The following CASD1 variants were observed in gnomAD, a reference collection of about 807,000 sequenced individuals.
CASD1 encodes N-acetylneuraminate (7)9-O-acetyltransferase.
CASD1 carries 41 observed loss-of-function variants against 100.0 expected under a neutral mutation model. The ratio of observed to expected loss-of-function variants is 0.41; its 90% CI spans 0.32 to 0.53. CASD1 has a LOEUF of 0.53. Ranked by LOEUF, CASD1 falls within the 20% of genes least tolerant of loss-of-function variation. The pLI is 0.25. For missense variants in CASD1, 774 were observed against 948.7 expected, an observed-to-expected ratio of 0.82 and a Z score of 2.42; for synonymous variants, 321 against 315.6, an observed-to-expected ratio of 1.02 and a Z score of -0.18.
At chr7:94,585,474 C>T in the CASD1 span, 6 of 1,601,066 alleles carry the variant, frequency 3.7e-6, no homozygotes, top group African/African-American at 8.0e-5. Flanking sequence ...ATTATAAATT[C>T]ATTGCTTCAG....
chr7:94,631,034 C>G, the CASD1 span, among the ~76,000 whole-genome samples: 1 of 151,942 alleles, frequency 6.6e-6, no homozygotes, highest in South Asian at 2.1e-4. Context: ...CTTCACGTAT[C>G]TACAGATTTA....
Position 94,544,606 on chromosome 7 carries a change from TATAA to T in CASD1, c.1476+80_1476+83del, listed in dbSNP as rs1795586167. On this transcript the variant is annotated intron_variant, in intron 11 of 17. Coordinates refer to ENST00000297273, the MANE Select transcript of CASD1 (RefSeq NM_022900.5). The stretch of plus-strand genomic sequence containing the variant: ...AGAAAGCATTAACTTGAGAAAAAAA[TATAA>T]ATATAGTCATTATAAGACTGAATAA... 6 of 1,447,328 alleles carry T rather than the reference TATAA, an allele frequency of 4.1e-6. No individual in the cohort carries two copies. The East Asian group carries it at 1.4e-4, about 34-fold the overall frequency. 89.7% of individuals were successfully genotyped at this position (1,447,328 alleles called of 1,614,324 possible).
At chr7:94,521,534 G>T (rs767704468) in intron 3 of CASD1, among the ~76,000 whole-genome samples, 1 of 151,982 alleles carries the variant, frequency 6.6e-6, no homozygotes, top group Non-Finnish European at 1.5e-5. Context: ...AGTTAAAGAT[G>T]CACAGTGAAA....
chr7:94,626,811 G>A, the CASD1 span: 1 of 151,936 alleles, frequency 6.6e-6, no homozygotes, highest in Admixed American at 6.6e-5. Context: ...GAAGAATGAT[G>A]TTTGCTATTA....
At chr7:94,614,719 TGTG>T in the CASD1 span, among the ~76,000 whole-genome samples, 1 of 152,198 alleles carries the variant, frequency 6.6e-6, no homozygotes, top group East Asian at 1.9e-4. Flanking sequence ...ATGCCTCAAT[TGTG>T]GTACTTAAAA....
the CASD1 span, among the ~76,000 whole-genome samples, chr7:94,564,420 A>G: frequency 6.6e-6 from 1 of 152,208 alleles, no homozygotes; most frequent in South Asian, 2.1e-4. Flanking sequence ...CACCCCTGGG[A>G]TAAGAAATTG....
At chr7:94,575,322 A>G in the CASD1 span, among the ~76,000 whole-genome samples, 1 of 152,116 alleles carries the variant, frequency 6.6e-6, no homozygotes, top group Non-Finnish European at 1.5e-5. Flanking sequence ...GTCATTAAGG[A>G]GCATGTTGTT....
chr7:94,618,969 A>C, the CASD1 span: 1 of 1,569,182 alleles, frequency 6.4e-7, no homozygotes, highest in East Asian at 2.2e-5. Context: ...AATTTTGGTG[A>C]AAAAGGGCAT....
Position 94,537,820 on chromosome 7 carries a change from A to G in CASD1, c.1192A>G (p.Thr398Ala). The change falls in exon 9 of 18, where the codon ACA becomes GCA. Residue 398 changes from threonine (T) to alanine (A), a missense_variant. By Grantham distance (58) the Thr-to-Ala change is moderately conservative (BLOSUM62 0). This residue lies in a region of CASD1 where 453 missense variants were observed against 532.6 expected (regional missense o/e 0.85). Transcript: ENST00000297273. ...NLFMKENKFYTHSSFFIPIIY... is the reference protein window; with the variant it reads ...NLFMKENKFYAHSSFFIPIIY... ...GTTCATGAAGGAAAACAAATTTTAT[A>G]CACATTCATCTTTCTTTATTCCAAT... 1 of 1,595,108 alleles carries G rather than the reference A, an allele frequency of 6.3e-7. No homozygotes were observed. The highest frequency in any genetic ancestry group is 8.6e-7 in the Non-Finnish European group (1 of 1,162,960).
chr7:94,616,151 G>A, the CASD1 span, among the ~76,000 whole-genome samples: 1 of 152,132 alleles, frequency 6.6e-6, no homozygotes, highest in East Asian at 1.9e-4. Flanking sequence ...AGATGCTGCA[G>A]GTTGGGCTCA....
chr7:94,603,264 C>G, the CASD1 span: 1 of 1,592,020 alleles, frequency 6.3e-7, no homozygotes, highest in Non-Finnish European at 8.6e-7. Flanking sequence ...TTTAACTAAA[C>G]TTGCAAAAAC....
At chr7:94,587,364 G>GT in the CASD1 span, 1 of 1,044,044 alleles carries the variant, frequency 9.6e-7, no homozygotes, top group Non-Finnish European at 1.2e-6. Context: ...AATATTTACT[G>GT]TTTTTCTAGA....
intron 5 of CASD1, among the ~76,000 whole-genome samples, chr7:94,530,214 A>AGG (rs764691843): frequency 7.2e-5 from 11 of 152,170 alleles, no homozygotes; most frequent in Non-Finnish European, 1.3e-4. Context: ...GTGGTCTTGA[A>AGG]GGTGAGTGTG....
intron 5 of CASD1, among the ~76,000 whole-genome samples, chr7:94,531,460 T>C (rs1794847771): frequency 1.3e-5 from 2 of 152,142 alleles, no homozygotes. Context: ...AATTAAACTT[T>C]ATGCTGAGAA....
the CASD1 span, among the ~76,000 whole-genome samples, chr7:94,592,142 A>G: frequency 6.6e-6 from 1 of 152,210 alleles, no homozygotes; most frequent in Non-Finnish European, 1.5e-5. Context: ...CCAAACTTGT[A>G]ACTAAATGTG....
At chr7:94,554,394 G>A (rs540796461) in intron 16 of CASD1, 89 bp from the exon 17 acceptor site, 2 of 798,032 alleles carry the variant, frequency 2.5e-6, no homozygotes, top group African/African-American at 3.5e-5. Context: ...CAAACATAAA[G>A]AATAAGGTTA....
chr7:94,615,983 G>A, the CASD1 span, among the ~76,000 whole-genome samples: 1 of 152,198 alleles, frequency 6.6e-6, no homozygotes, highest in Non-Finnish European at 1.5e-5. Context: ...AAGTGAAAAT[G>A]AATCTTTTCA....
chr7:94,588,974 C>G, the CASD1 span: 7 of 521,574 alleles, frequency 1.3e-5, no homozygotes, highest in African/African-American at 3.8e-5. Flanking sequence ...TAAAGTACCT[C>G]ACAACAACCC....
At chr7:94,523,559 A>T (rs537542094) in intron 3 of CASD1, among the ~76,000 whole-genome samples, 9 of 152,216 alleles carry the variant, frequency 5.9e-5, no homozygotes, top group Non-Finnish European at 1.3e-4. Flanking sequence ...ATTCCAAATG[A>T]CATAATTAGA....
Sources: allele counts gnomAD v4.1 joint callset (sites outside exome capture counted in the v4.1 genomes callset), GRCh38; gene constraint gnomAD v4.1.1; regional missense constraint gnomAD v4.1.1; transcripts MANE v1.5; gene names NCBI Gene and HGNC (gene_info 2026-07-23, HGNC 2026-07-21).